Variants in MX2 observed in about 807,000 individuals in gnomAD.
MX2 encodes interferon-induced GTP-binding protein Mx2.
A neutral mutation model predicts 74.0 loss-of-function variants in MX2; 51 were observed. The observed-to-expected ratio is 0.69, with a 90% CI of 0.55 to 0.87. The LOEUF is 0.87. Among genes scored for constraint, MX2 ranks in the 40% least tolerant of loss-of-function variants. MX2 has a pLI of 0.00. For synonymous variants in MX2, 369 were observed against 339.3 expected (o/e 1.09, Z -0.96); for missense variants, 832 against 908.7 (o/e 0.92, Z 1.09).
intron 2 of MX2, among the ~76,000 whole-genome samples, 162 bp downstream of exon 2, chr21:41,377,317 A>G (rs909236890): frequency 2.0e-5 from 3 of 152,176 alleles, no homozygotes; most frequent in Admixed American, 2.0e-4. Flanking sequence ...CCAGGAACAT[A>G]CATAGACTCT....
intron 5 of MX2, among the ~76,000 whole-genome samples, chr21:41,387,686 AC>A (rs914278647): frequency 3.0e-4 from 45 of 152,070 alleles, no homozygotes; most frequent in Admixed American, 2.2e-3. Flanking sequence ...GACTGTAAAT[AC>A]CACTTCAGCG....
chr21:41,381,684 C>CAAAAAAAAAAAAAAAAAAAAAAAAAAAAA (rs57350601), intron 4 of MX2, among the ~76,000 whole-genome samples: 1 of 58,444 alleles, frequency 1.7e-5, no homozygotes, highest in African/African-American at 5.7e-5. Flanking sequence ...GACTCTGTCT[C>CAAAAAAAAAAAAAAAAAAAAAAAAAAAAA]AAAAAAAAAA....
intron 12 of MX2, chr21:41,403,584 A>G (rs1015107624): frequency 4.1e-6 from 3 of 724,432 alleles, no homozygotes; most frequent in African/African-American, 1.7e-5. Context: ...GTGCCCTGCC[A>G]TCTGTTCTGC....
chr21:41,399,493 CAGAAA>C, intron 10 of MX2, 156 bp downstream of exon 10: 1 of 764,960 alleles, frequency 1.3e-6, no homozygotes, highest in South Asian at 2.0e-5. Context: ...GAACAAAACC[CAGAAA>C]TATGGGGCAT....
At position 41,408,346 on chromosome 21, in the gene MX2, C is replaced by A; in HGVS notation, c.*113C>A. The stretch of plus-strand genomic sequence containing the variant: ...CAAACTCTTCTGTCACTATCAGTGT[C>A]CATCTCTACTGTACTCCCTCAGCAT... On this transcript the variant is annotated 3_prime_UTR_variant, in exon 14 of 14. Transcript: ENST00000330714. 7.2e-7 allele frequency: 1 copy of A among 1,397,994 alleles called. No individual in the cohort carries two copies. The highest frequency in any genetic ancestry group is 9.7e-7 in the Non-Finnish European group (1 of 1,029,912). 86.6% of individuals were successfully genotyped at this position (1,397,994 alleles called of 1,614,324 possible).
At chr21:41,403,588 G>C in intron 12 of MX2, 1 of 719,538 alleles carries the variant, frequency 1.4e-6, no homozygotes, top group Non-Finnish European at 2.6e-6. Context: ...CCTGCCATCT[G>C]TTCTGCACGA....
chr21:41,397,822 A>G (rs2145949214), intron 8 of MX2, 131 bp downstream of exon 8: 1 of 675,694 alleles, frequency 1.5e-6, no homozygotes, highest in Non-Finnish European at 2.5e-6. Flanking sequence ...ACACTGTCTC[A>G]CTCACTGTCA....
chr21:41,406,886 A>G lies in MX2; in HGVS notation c.1793A>G (p.Asn598Ser), dbSNP rs146535907. The change falls in exon 13 of 14, where the codon AAC becomes AGC. Residue 598 changes from asparagine (N) to serine (S), a missense_variant. By Grantham distance (46) the Asn-to-Ser change is conservative (BLOSUM62 1). Transcript: ENST00000330714. ...AAGAAAGTCCGAGAAGAGATTTTTAACCCTCTGGGGACGCCTTCACAGAAT... is the reference window on the plus strand; with the variant it reads ...AAGAAAGTCCGAGAAGAGATTTTTAGCCCTCTGGGGACGCCTTCACAGAAT... The part of the protein sequence containing the change: ...VLKKVREEIF[N>S]PLGTPSQNMK... 2.4e-5 allele frequency: 38 copies of G among 1,614,198 alleles called. No individual in the cohort carries two copies. In the African/African-American group the frequency reaches 4.3e-4, roughly 18 times the overall value.
intron 1 of MX2, among the ~76,000 whole-genome samples, chr21:41,375,085 C>T (rs1358415438): frequency 1.3e-5 from 2 of 152,206 alleles, no homozygotes; most frequent in Non-Finnish European, 2.9e-5. Flanking sequence ...AGGCTGGTCC[C>T]CACTTCCTCC....
At chr21:41,378,418 T>A (rs1246583732) in intron 3 of MX2, among the ~76,000 whole-genome samples, 3 of 152,146 alleles carry the variant, frequency 2.0e-5, no homozygotes, top group Non-Finnish European at 4.4e-5. Flanking sequence ...TAGCTTTCAC[T>A]GCCCGTGTGT....
chr21:41,378,100 C>CAGGACGCTGGGAGAG, intron 3 of MX2, 119 bp downstream of exon 3: 2 of 1,287,772 alleles, frequency 1.6e-6, no homozygotes, highest in African/African-American at 3.0e-5. Flanking sequence ...CTGGGAAAGA[C>CAGGACGCTGGGAGAG]AGGACGCTGG....
chr21:41,403,071 C>A, intron 11 of MX2, 196 bp from the exon 12 acceptor site: 1 of 548,990 alleles, frequency 1.8e-6, no homozygotes. Flanking sequence ...GCCCAGGCTG[C>A]ATGAGGGCTG....
intron 4 of MX2, among the ~76,000 whole-genome samples, chr21:41,381,017 G>A (rs1180617929): frequency 2.0e-5 from 3 of 152,198 alleles, no homozygotes; most frequent in Non-Finnish European, 2.9e-5. Context: ...GTGTCTGAGC[G>A]GGGGCCCTTT....
At chr21:41,394,097 G>T (rs1431540713) in intron 6 of MX2, among the ~76,000 whole-genome samples, 1 of 152,182 alleles carries the variant, frequency 6.6e-6, no homozygotes, top group African/African-American at 2.4e-5. Flanking sequence ...TGCTGTTCGA[G>T]CACTCACCTT....
At position 41,395,901 on chromosome 21, in the gene MX2, T is replaced by C. The variant is rs557345030; in HGVS notation, c.1070+116T>C. ...ACAAATTACACAAGGTAGTATAACC[T>C]AGCCTCACCTGATTTTTGTGCTAGA... On this transcript the variant is annotated intron_variant, in intron 7 of 13. Coordinates refer to ENST00000330714, the MANE Select transcript of MX2 (RefSeq NM_002463.2). 22 of 948,656 alleles carry C rather than the reference T, an allele frequency of 2.3e-5. No homozygotes were observed. The South Asian group carries it at 3.7e-4, about 16-fold the overall frequency. 58.8% of individuals were successfully genotyped at this position (948,656 alleles called of 1,614,324 possible).
rs990986890 is a variant in MX2, at chr21:41,378,858, G to A, written c.442+877G>A. Among the ~76,000 whole-genome samples, 4 of 152,150 alleles carry A rather than the reference G, an allele frequency of 2.6e-5. No individual in the cohort carries two copies. In the South Asian group the frequency reaches 6.2e-4, roughly 24 times the overall value. On this transcript the variant is annotated intron_variant, in intron 3 of 13. Coordinates refer to ENST00000330714, the MANE Select transcript of MX2 (RefSeq NM_002463.2). Reference sequence around the variant, plus strand: ...GGCAGGTGCAGCGGCAGCAGAGAGCGCCCAGCTCCTTCTCCTCCCTGGCTC... The same window carrying A: ...GGCAGGTGCAGCGGCAGCAGAGAGCACCCAGCTCCTTCTCCTCCCTGGCTC...
intron 1 of MX2, among the ~76,000 whole-genome samples, chr21:41,372,250 A>G (rs1281510638): frequency 1.3e-5 from 2 of 152,212 alleles, no homozygotes; most frequent in Non-Finnish European, 2.9e-5. Flanking sequence ...TTCCTGACCA[A>G]TATGCATTGC....
chr21:41,366,165 A>G lies in MX2; in HGVS notation c.-72+4110A>G, dbSNP rs1233662529. ...AGTAATAGTAGGCTGGGTGGTGTCC[A>G]ACAGCTGCCTTCGTGTATCACTGGG... On this transcript the variant is annotated intron_variant, in intron 1 of 13. Coordinates refer to ENST00000330714, the MANE Select transcript of MX2 (RefSeq NM_002463.2). This position sits in a 1 kb window ranked among gnomAD's most constrained non-coding sequence, Gnocchi z 4.5. 4 of 152,264 alleles carry G rather than the reference A, an allele frequency of 2.6e-5. No individual in the cohort carries two copies. Among genetic ancestry groups the G allele is most frequent in the African/African-American group, 9.6e-5 (4 of 41,464 alleles). 9.4% of individuals were successfully genotyped at this position (152,264 alleles called of 1,614,324 possible). A position where few individuals can be genotyped will look rare whatever the true frequency, so the allele number is the denominator to read the frequency against.
At chr21:41,397,128 G>A (rs2089746553) in intron 7 of MX2, among the ~76,000 whole-genome samples, 1 of 152,214 alleles carries the variant, frequency 6.6e-6, no homozygotes. Context: ...CAAACATGCT[G>A]CAGCCACGCT....
Sources: gnomAD v4.1 joint callset for allele counts (sites outside exome capture counted in the v4.1 genomes callset) on GRCh38, gnomAD v4.1.1 for gene constraint, Gnocchi (gnomAD v3.1) non-coding constraint, MANE v1.5 for transcripts, NCBI Gene and HGNC (gene_info 2026-07-23, HGNC 2026-07-21) for gene names.